The following NAV3 variants were observed in gnomAD, a reference collection of about 807,000 sequenced individuals.
NAV3 encodes the protein pore membrane and/or filament interacting like protein 1.
In NAV3, 87 loss-of-function variants were observed where a neutral mutation model predicts 244.7. The observed-to-expected ratio is 0.36, with a 90% CI of 0.30 to 0.42. NAV3 has a LOEUF of 0.42. Among genes scored for constraint, NAV3 ranks in the 20% least tolerant of loss-of-function variants. NAV3 has a pLI of 1.00. For missense variants in NAV3, 2,663 were observed against 2,893.3 expected (o/e 0.92, Z 1.83); for synonymous variants, 1,126 against 1,042.2 (o/e 1.08, Z -1.55).
chr12:77,613,807 G>A (rs1412177463), intron 2 of NAV3, among the ~76,000 whole-genome samples: 13 of 152,030 alleles, frequency 8.6e-5, no homozygotes, highest in South Asian at 4.1e-4. Context: ...CGTTTTGTCC[G>A]TTAGGAACTT....
At chr12:77,654,525 C>A (rs2695843) in intron 2 of NAV3, among the ~76,000 whole-genome samples, 36,693 of 151,962 alleles carry the variant, frequency 0.24, 6,818 homozygotes, top group African/African-American at 0.52. Flanking sequence ...CTCTGGGTGT[C>A]GGGCACAGAC....
rs2139857864 is a variant in NAV3, at chr12:78,188,795, A to G, written c.6055+18A>G. On this transcript the variant is annotated intron_variant, in intron 33 of 39. Transcript: ENST00000397909. ...CCTCAAAGGTAAAAGCAATAATGAAAAGCAAGGCAGAAATATAATTTTTAG... is the reference window on the plus strand; with the variant it reads ...CCTCAAAGGTAAAAGCAATAATGAAGAGCAAGGCAGAAATATAATTTTTAG... 1.2e-6 allele frequency: 2 copies of G among 1,605,760 alleles called. No individual in the cohort carries two copies. Among genetic ancestry groups the G allele is most frequent in the Non-Finnish European group, 1.7e-6 (2 of 1,175,334 alleles).
chr12:78,078,069 C>CTGACTT (rs71088355), intron 12 of NAV3, among the ~76,000 whole-genome samples: 148,587 of 152,136 alleles, frequency 0.98, 72,665 homozygotes, highest in East Asian at 1. Flanking sequence ...TTGTAGTTAG[C>CTGACTT]TTCTGTGTCT....
At chr12:78,135,481 C>T (rs932072086) in intron 18 of NAV3, among the ~76,000 whole-genome samples, 2 of 152,192 alleles carry the variant, frequency 1.3e-5, no homozygotes, top group African/African-American at 2.4e-5. Flanking sequence ...GTACACTTCA[C>T]TTGGATATCT....
intron 12 of NAV3, chr12:78,088,659 A>G (rs1269759138): frequency 6.6e-6 from 1 of 152,072 alleles, no homozygotes; most frequent in Non-Finnish European, 1.5e-5. Context: ...CTCTATATAA[A>G]TCCTACTGTT....
chr12:78,173,653 A>G (rs757030558), intron 24 of NAV3, among the ~76,000 whole-genome samples: 1 of 151,568 alleles, frequency 6.6e-6, no homozygotes, highest in Admixed American at 6.6e-5. Flanking sequence ...ATTTAGGTTT[A>G]GAAGTTGGTA....
intron 1 of NAV3, among the ~76,000 whole-genome samples, chr12:77,913,656 T>C (rs1326883063): frequency 2.0e-5 from 3 of 152,096 alleles, no homozygotes; most frequent in Non-Finnish European, 2.9e-5. Flanking sequence ...GGAGTGTGTG[T>C]GTGTGAATGA....
In NAV3 at chr12:77,879,685, C is replaced by CA. The variant is rs72076222; in HGVS notation, c.243+48004dup. Among the ~76,000 whole-genome samples the CA allele has an allele frequency of 6.4e-3, 545 of 84,940 alleles. 27 individuals are homozygous for CA. Among genetic ancestry groups the CA allele is most frequent in the South Asian group, 0.012 (20 of 1,680 alleles). The allele number at this position is 84,940 out of a possible 152,430, so 55.7% of individuals were successfully genotyped here. A position where few individuals can be genotyped will look rare whatever the true frequency, so the allele number is the denominator to read the frequency against. ...GAAAGAGCGAAGTGAAACTCCATCTCAAAAAAAAAAAAAAAAAAAAAAAGG... is the reference window on the plus strand; with the variant it reads ...GAAAGAGCGAAGTGAAACTCCATCTCAAAAAAAAAAAAAAAAAAAAAAAAGG... On this transcript the variant is annotated intron_variant, in intron 1 of 39. Coordinates refer to ENST00000397909, the MANE Select transcript of NAV3 (RefSeq NM_001024383.2).
intron 12 of NAV3, among the ~76,000 whole-genome samples, chr12:78,112,167 A>G (rs1955128000): frequency 6.6e-6 from 1 of 152,196 alleles, no homozygotes; most frequent in Non-Finnish European, 1.5e-5. Flanking sequence ...GATAGAAAAC[A>G]ACTGAATAAT....
At chr12:77,928,347 C>T (rs369582406) in intron 1 of NAV3, among the ~76,000 whole-genome samples, 5 of 151,886 alleles carry the variant, frequency 3.3e-5, no homozygotes, top group Non-Finnish European at 5.9e-5. Flanking sequence ...AAATGAATGC[C>T]GAGGGGTTCT....
chr12:78,015,720 G>A (rs1036271977), intron 8 of NAV3, among the ~76,000 whole-genome samples: 6 of 151,988 alleles, frequency 3.9e-5, no homozygotes, highest in South Asian at 4.1e-4. Flanking sequence ...GTGTAAAAAC[G>A]CAATTTTGTA....
rs754614139 is a variant in NAV3 at position 78,118,173 on chromosome 12, C to G, written c.2916C>G (p.Pro972=). ...TGTCCTCTGGACTTCCTGAAGACCC[C>G]GAGAAGGCAGGGCAGAAAGCTTCCC... is the stretch of plus-strand genomic sequence containing the variant. ...KTVSSGLPED[P]EKAGQKASLS... is the part of the protein sequence containing the mutation. The change falls in exon 14 of 40, where the codon CCC becomes CCG. Residue 972 remains proline (P), a synonymous_variant. Coordinates refer to ENST00000397909, the MANE Select transcript of NAV3 (RefSeq NM_001024383.2). 6.2e-6 allele frequency: 10 copies of G among 1,613,832 alleles called. No individual in the cohort carries two copies. Among genetic ancestry groups the G allele is most frequent in the Non-Finnish European group, 8.5e-6 (10 of 1,179,976 alleles).
intron 2 of NAV3, among the ~76,000 whole-genome samples, chr12:77,587,214 C>CA (rs2136700675): frequency 6.6e-6 from 1 of 151,938 alleles, no homozygotes; most frequent in Admixed American, 6.5e-5. Flanking sequence ...GCAGACTTTC[C>CA]AAAAATGCTT....
At chr12:77,859,080 T>A (rs147110304) in intron 1 of NAV3, among the ~76,000 whole-genome samples, 57 of 152,162 alleles carry the variant, frequency 3.7e-4, no homozygotes, top group African/African-American at 1.4e-3. Context: ...AATGAACAAG[T>A]GTATGTCATT....
intron 3 of NAV3, among the ~76,000 whole-genome samples, chr12:77,952,153 GT>G (rs1353064906): frequency 1.3e-5 from 2 of 150,946 alleles, no homozygotes; most frequent in Admixed American, 1.3e-4. Flanking sequence ...TGTGTCTTCT[GT>G]AAATATTTCT....
chr12:77,856,833 A>G (rs1878460962), intron 1 of NAV3, among the ~76,000 whole-genome samples: 1 of 152,128 alleles, frequency 6.6e-6, no homozygotes, highest in Non-Finnish European at 1.5e-5. Flanking sequence ...AATGGTTTCA[A>G]TTCAAAATAA....
intron 24 of NAV3, among the ~76,000 whole-genome samples, chr12:78,174,824 G>A (rs1406371804): frequency 6.6e-6 from 1 of 151,824 alleles, no homozygotes; most frequent in Non-Finnish European, 1.5e-5. Context: ...ATGACTTCAG[G>A]TTTTGTTTTG....
At chr12:77,949,193 A>G (rs1384070182) in intron 3 of NAV3, among the ~76,000 whole-genome samples, 1 of 152,052 alleles carries the variant, frequency 6.6e-6, no homozygotes, top group Non-Finnish European at 1.5e-5. Context: ...ATACAAATTT[A>G]GAGAAAGATC....
chr12:78,056,870 T>C (rs1883590640), intron 11 of NAV3, among the ~76,000 whole-genome samples: 1 of 152,226 alleles, frequency 6.6e-6, no homozygotes, highest in Admixed American at 6.5e-5. Flanking sequence ...ATGTTTAATT[T>C]AGGATTTTCT....
Sources: gnomAD v4.1 joint callset for allele counts (sites outside exome capture counted in the v4.1 genomes callset) on GRCh38, gnomAD v4.1.1 for gene constraint, MANE v1.5 for transcripts, NCBI Gene and HGNC (gene_info 2026-07-23, HGNC 2026-07-21) for gene names.